SETD2: variants seen among roughly 807,000 people sequenced by gnomAD.
SETD2 encodes SET domain containing 2, histone lysine methyltransferase.
SETD2 carries 31 observed loss-of-function variants against 242.1 expected under a neutral mutation model. The ratio of observed to expected loss-of-function variants is 0.13; its 90% CI spans 0.10 to 0.17. The LOEUF (loss-of-function observed/expected upper bound fraction) is 0.17, where lower values mean the gene tolerates loss of function less well. Among genes scored for constraint, SETD2 ranks in the 10% least tolerant of loss-of-function variants. The probability of loss-of-function intolerance (pLI) is 1.00; values close to 1 mark genes in which losing one functional copy is unlikely to be tolerated. For synonymous variants in SETD2, 1,006 were observed against 1,066.5 expected (o/e 0.94, Z 1.11); for missense variants, 2,481 against 3,046.3 (o/e 0.81, Z 4.37).
chr3:47,073,899 T>C (rs752530933), intron 12 of SETD2, among the ~76,000 whole-genome samples: 1 of 152,204 alleles, frequency 6.6e-6, no homozygotes, highest in Non-Finnish European at 1.5e-5. Flanking sequence ...GAGAGCTGAA[T>C]TGATATAATA....
At chr3:47,107,723 G>T (rs7427379) in intron 5 of SETD2, among the ~76,000 whole-genome samples, 2 of 21,952 alleles carry the variant, frequency 9.1e-5, no homozygotes, top group African/African-American at 3.4e-4. Flanking sequence ...TGGGTGGCGG[G>T]GGGGGGTGGG....
chr3:47,092,838 A>G (rs2041858749), intron 9 of SETD2, among the ~76,000 whole-genome samples: 1 of 152,164 alleles, frequency 6.6e-6, no homozygotes, highest in Non-Finnish European at 1.5e-5. Flanking sequence ...AAAACAGAAT[A>G]CTGCTAGCAT....
At chr3:47,142,168 T>C (rs2043744887) in intron 1 of SETD2, among the ~76,000 whole-genome samples, 2 of 152,166 alleles carry the variant, frequency 1.3e-5, no homozygotes, top group Admixed American at 6.5e-5. Context: ...AATGTGGTAG[T>C]ATGCAGCTTC....
rs188634010 is a variant in SETD2, at chr3:47,069,325, G to A, written c.6061-2207C>T. On this transcript the variant is annotated intron_variant, in intron 12 of 20. Transcript: ENST00000409792. ...ACCATTCTGAGATTTATGCACAAAT[G>A]CAGGTGACATCCTCCATCCCCTTAA... is the stretch of plus-strand genomic sequence containing the variant. 3.9e-3 allele frequency among the ~76,000 whole-genome samples: 589 copies of A among 152,230 alleles called. 17 individuals carry two copies. Among genetic ancestry groups the A allele is most frequent in the Admixed American group, 0.033 (507 of 15,278 alleles).
At chr3:47,110,481 G>C (rs1034624252) in intron 5 of SETD2, among the ~76,000 whole-genome samples, 1 of 152,140 alleles carries the variant, frequency 6.6e-6, no homozygotes, top group Admixed American at 6.5e-5. Context: ...AGTCAACCTG[G>C]ACTGCCTTCT....
At position 47,060,895 on chromosome 3, in the gene SETD2, CAA is replaced by C. The variant is rs546948997; in HGVS notation, c.6293+1266_6293+1267del. 1.7e-3 allele frequency among the ~76,000 whole-genome samples: 253 copies of C among 152,180 alleles called. 2 individuals carry two copies. Among genetic ancestry groups the C allele is most frequent in the Admixed American group, 2.5e-3 (38 of 15,286 alleles). On this transcript the variant is annotated intron_variant, in intron 14 of 20. Transcript: ENST00000409792. ...AAAGGACACATAAAACTAAAAAAGA[CAA>C]ATAATTCAATGAATGAACAACACAT...
At chr3:47,067,039 C>G (rs2107600005) in intron 13 of SETD2, 31 bp downstream of exon 13, 1 of 1,554,808 alleles carries the variant, frequency 6.4e-7, no homozygotes, top group Non-Finnish European at 8.9e-7. Flanking sequence ...ATTTGTAAAG[C>G]CATCAACACA....
intron 1 of SETD2, among the ~76,000 whole-genome samples, chr3:47,148,868 G>C (rs1490074740): frequency 1.3e-5 from 2 of 152,170 alleles, no homozygotes; most frequent in East Asian, 3.8e-4. Flanking sequence ...GTGAATGAAG[G>C]CTTGAGTTTC....
intron 4 of SETD2, among the ~76,000 whole-genome samples, chr3:47,114,505 T>C (rs1458158062): frequency 1.3e-5 from 2 of 152,166 alleles, no homozygotes; most frequent in Non-Finnish European, 2.9e-5. Flanking sequence ...CCATGGATCC[T>C]AGAGTAAAAA....
intron 9 of SETD2, among the ~76,000 whole-genome samples, chr3:47,090,112 G>A (rs963511200): frequency 5.9e-5 from 9 of 152,098 alleles, no homozygotes; most frequent in Non-Finnish European, 1.0e-4. Flanking sequence ...GCCGGGCATC[G>A]TGGCGGGAGC....
chr3:47,114,346 G>A (rs112149283), intron 4 of SETD2, among the ~76,000 whole-genome samples: 4 of 152,280 alleles, frequency 2.6e-5, no homozygotes, highest in African/African-American at 9.6e-5. Flanking sequence ...TATTCTGTAA[G>A]TGCACCTTCC....
At chr3:47,150,723 T>C (rs986095538) in intron 1 of SETD2, among the ~76,000 whole-genome samples, 2 of 152,046 alleles carry the variant, frequency 1.3e-5, no homozygotes, top group Admixed American at 6.6e-5. Flanking sequence ...GTCTCACGCC[T>C]GTAATCCCAG....
At chr3:47,109,872 G>A (rs1333237531) in intron 5 of SETD2, among the ~76,000 whole-genome samples, 3 of 151,672 alleles carry the variant, frequency 2.0e-5, no homozygotes, top group African/African-American at 7.3e-5. Flanking sequence ...TGTAATCCCA[G>A]CTACTCAGGA....
At chr3:47,126,728 AT>A in intron 1 of SETD2, 65 bp from the exon 2 acceptor site, 1 of 932,226 alleles carries the variant, frequency 1.1e-6, no homozygotes, top group Non-Finnish European at 1.7e-6. Context: ...CTTAAAAACG[AT>A]TGAAATAATA....
In SETD2 at chr3:47,121,169, C is replaced by A; in HGVS notation, c.3467G>T (p.Arg1156Leu). ...TQSSRKQIDN[R>L]LPELSHPQSD... ...CTGAGGATGAGAAAGTTCAGGCAGGCGATTATCTATTTGTTTTCTACTGGA... is the reference window on the plus strand; with the variant it reads ...CTGAGGATGAGAAAGTTCAGGCAGGAGATTATCTATTTGTTTTCTACTGGA... The change falls in exon 3 of 21, where the codon CGC becomes CTC. Residue 1156 changes from arginine (R) to leucine (L), a missense_variant. Arg to Leu is a moderately radical substitution (Grantham distance 102). Coordinates refer to ENST00000409792, the MANE Select transcript of SETD2 (RefSeq NM_014159.7). 1 of 1,613,986 alleles carries A rather than the reference C, an allele frequency of 6.2e-7. No individual in the cohort carries two copies. Among genetic ancestry groups the A allele is most frequent in the Non-Finnish European group, 8.5e-7 (1 of 1,179,878 alleles).
chr3:47,154,949 G>A (rs371748096), intron 1 of SETD2, among the ~76,000 whole-genome samples: 5 of 151,324 alleles, frequency 3.3e-5, no homozygotes, highest in African/African-American at 7.3e-5. Flanking sequence ...AGCCGAGATC[G>A]CACCACCGCA....
intron 17 of SETD2, among the ~76,000 whole-genome samples, chr3:47,038,306 C>A (rs1394833939): frequency 6.6e-6 from 1 of 152,080 alleles, no homozygotes; most frequent in African/African-American, 2.4e-5. Flanking sequence ...AAGAAAAATA[C>A]GTACAGGTTA....
At chr3:47,049,279 A>G in intron 15 of SETD2, among the ~76,000 whole-genome samples, 1 of 123,252 alleles carries the variant, frequency 8.1e-6, no homozygotes. Flanking sequence ...TTATTCTATA[A>G]GTTTTTTATA....
At chr3:47,148,117 T>C (rs1466285613) in intron 1 of SETD2, among the ~76,000 whole-genome samples, 1 of 21,474 alleles carries the variant, frequency 4.7e-5, no homozygotes, top group African/African-American at 1.6e-4. Context: ...TGTTTTGTTG[T>C]TGTTGTTGTT....
Sources: allele counts gnomAD v4.1 joint callset (sites outside exome capture counted in the v4.1 genomes callset), GRCh38; gene constraint gnomAD v4.1.1; transcripts MANE v1.5; gene names NCBI Gene and HGNC (gene_info 2026-07-23, HGNC 2026-07-21).